Variants in NRG1 observed in about 807,000 individuals in gnomAD.
NRG1 encodes neuregulin 1.
NRG1 carries 18 observed loss-of-function variants against 63.8 expected under a neutral mutation model. That is an observed-to-expected ratio of 0.28 (90% confidence interval 0.19 to 0.42). The LOEUF (loss-of-function observed/expected upper bound fraction) is 0.42, where lower values mean the gene tolerates loss of function less well. NRG1 is among the 10% of genes least tolerant of loss of function. The pLI is 1.00. For missense variants in NRG1, 762 were observed against 814.7 expected (o/e 0.94, Z 0.79); for synonymous variants, 302 against 301.3 (o/e 1.00, Z -0.02).
At chr8:32,183,210 A>G (rs975422658) in intron 1 of NRG1, among the ~76,000 whole-genome samples, 24 of 152,290 alleles carry the variant, frequency 1.6e-4, no homozygotes, top group African/African-American at 5.8e-4. Flanking sequence ...ACTGAAGACT[A>G]GCCCTTTATT....
At chr8:31,974,330 A>T (rs1480573316) in intron 1 of NRG1, among the ~76,000 whole-genome samples, 2 of 151,652 alleles carry the variant, frequency 1.3e-5, no homozygotes, top group Non-Finnish European at 2.9e-5. Flanking sequence ...TGCCTGGCTA[A>T]TTTTTTTCTT....
intron 1 of NRG1, among the ~76,000 whole-genome samples, chr8:31,920,276 G>A (rs1447462045): frequency 1.4e-5 from 2 of 143,704 alleles, no homozygotes; most frequent in African/African-American, 5.3e-5. Context: ...TACTGTCGCT[G>A]ATTGGAACTA....
intron 1 of NRG1, among the ~76,000 whole-genome samples, chr8:31,783,212 G>A (rs956287): frequency 6.6e-6 from 1 of 152,134 alleles, no homozygotes; most frequent in East Asian, 1.9e-4. Flanking sequence ...TTAAACAAAA[G>A]AAACTTTAGG....
At chr8:31,760,985 A>C (rs1399262501) in intron 1 of NRG1, among the ~76,000 whole-genome samples, 1 of 152,190 alleles carries the variant, frequency 6.6e-6, no homozygotes, top group Non-Finnish European at 1.5e-5. Context: ...TCATGCTGCT[A>C]TAAAGACACA....
chr8:32,528,379 T>A (rs1831101903), intron 1 of NRG1, among the ~76,000 whole-genome samples: 1 of 152,216 alleles, frequency 6.6e-6, no homozygotes, highest in African/African-American at 2.4e-5. Context: ...AAGTGTTGGA[T>A]ATGTGCACCA....
At chr8:32,459,603 TAA>T (rs1322128327) in intron 1 of NRG1, among the ~76,000 whole-genome samples, 6 of 141,768 alleles carry the variant, frequency 4.2e-5, no homozygotes, top group Non-Finnish European at 3.1e-5. Flanking sequence ...CATTTCTAAT[TAA>T]AAAAAAAAAA....
At chr8:31,893,559 T>C (rs1455198907) in intron 1 of NRG1, among the ~76,000 whole-genome samples, 1 of 151,554 alleles carries the variant, frequency 6.6e-6, no homozygotes, top group Non-Finnish European at 1.5e-5. Flanking sequence ...GCATATAACA[T>C]GCTCATATAA....
intron 1 of NRG1, among the ~76,000 whole-genome samples, chr8:32,060,298 T>C (rs1442682167): frequency 6.6e-6 from 1 of 151,850 alleles, no homozygotes; most frequent in Non-Finnish European, 1.5e-5. Context: ...CTAATAGAAC[T>C]ATTTACACTT....
chr8:31,841,169 A>C (rs779838864), intron 1 of NRG1, among the ~76,000 whole-genome samples: 1 of 151,962 alleles, frequency 6.6e-6, no homozygotes, highest in African/African-American at 2.4e-5. Context: ...TTTGAGTGGC[A>C]GAAGAGCAAT....
At chr8:31,899,625 A>T (rs1190143943) in intron 1 of NRG1, among the ~76,000 whole-genome samples, 2 of 152,158 alleles carry the variant, frequency 1.3e-5, no homozygotes, top group African/African-American at 2.4e-5. Context: ...CTATGCTTCC[A>T]TTGTGCAAAC....
At chr8:31,829,901 G>T (rs1824942854) in intron 1 of NRG1, among the ~76,000 whole-genome samples, 1 of 152,194 alleles carries the variant, frequency 6.6e-6, no homozygotes, top group Admixed American at 6.5e-5. Context: ...TTCTGCCATA[G>T]ATAGATATTT....
chr8:31,947,966 A>AAC (rs1802875330), intron 1 of NRG1, among the ~76,000 whole-genome samples: 1 of 150,136 alleles, frequency 6.7e-6, no homozygotes, highest in African/African-American at 2.5e-5. Flanking sequence ...AAAAAAAAAA[A>AAC]AAAAAACTAC....
intron 5 of NRG1, among the ~76,000 whole-genome samples, chr8:32,709,191 A>T (rs1455187421): frequency 6.6e-6 from 1 of 152,156 alleles, no homozygotes; most frequent in South Asian, 2.1e-4. Flanking sequence ...TAAGTGAAAA[A>T]TGTTAATGGT....
chr8:32,561,865 T>G (rs1588320462), intron 1 of NRG1, among the ~76,000 whole-genome samples: 9 of 140,474 alleles, frequency 6.4e-5, no homozygotes, highest in African/African-American at 1.1e-4. Context: ...GGGTGGGGGG[T>G]GGAGGAGCTT....
intron 1 of NRG1, among the ~76,000 whole-genome samples, chr8:31,666,987 C>A (rs1806612946): frequency 6.6e-6 from 1 of 152,192 alleles, no homozygotes; most frequent in African/African-American, 2.4e-5. Flanking sequence ...ACTATTATAA[C>A]TATTTAGCAG....
chr8:32,310,483 A>G (rs1856692520), intron 1 of NRG1, among the ~76,000 whole-genome samples: 1 of 152,162 alleles, frequency 6.6e-6, no homozygotes, highest in Non-Finnish European at 1.5e-5. Flanking sequence ...GTTCAGATGG[A>G]CCTTGCCATA....
At chr8:32,127,160 G>A (rs1834182699) in intron 1 of NRG1, among the ~76,000 whole-genome samples, 1 of 151,920 alleles carries the variant, frequency 6.6e-6, no homozygotes, top group Admixed American at 6.6e-5. Flanking sequence ...CTCTTTAGCT[G>A]AAAGCCTAGG....
chr8:31,968,241 A>T (rs1806690991), intron 1 of NRG1, among the ~76,000 whole-genome samples: 1 of 152,224 alleles, frequency 6.6e-6, no homozygotes, highest in African/African-American at 2.4e-5. Context: ...TCATACACTG[A>T]CATTGATTAA....
chr8:31,883,642 G>A (rs1166844368), intron 1 of NRG1, among the ~76,000 whole-genome samples: 1 of 152,096 alleles, frequency 6.6e-6, no homozygotes, highest in African/African-American at 2.4e-5. Flanking sequence ...TTTTCAGCAA[G>A]TAGTAAGGGA....
Sources: allele counts gnomAD v4.1 joint callset (sites outside exome capture counted in the v4.1 genomes callset), GRCh38; gene constraint gnomAD v4.1.1; transcripts MANE v1.5; gene names NCBI Gene and HGNC (gene_info 2026-07-23, HGNC 2026-07-21).